TMEM223: variants seen among roughly 807,000 people sequenced by gnomAD.
The protein encoded by TMEM223 is transmembrane protein 223.
In TMEM223, 14 loss-of-function variants were observed where a neutral mutation model predicts 14.1. That is an observed-to-expected ratio of 0.99 (90% confidence interval 0.66 to 1.55). TMEM223 has a LOEUF of 1.55. TMEM223 is among the 40% of genes most tolerant of loss of function. The probability of loss-of-function intolerance (pLI) is 0.00; values close to 1 mark genes in which losing one functional copy is unlikely to be tolerated. For missense variants in TMEM223, 346 were observed against 269.9 expected (o/e 1.28, Z -1.97); for synonymous variants, 145 against 120.5 (o/e 1.20, Z -1.33).
chr11:62,778,849 T>C, intron 1 of TMEM223: 1 of 1,611,356 alleles, frequency 6.2e-7, no homozygotes, highest in Non-Finnish European at 8.5e-7. Context: ...TGTCCCTGCT[T>C]CCTGCCTGTC....
chr11:62,775,749 A>G (rs1225474369), intron 1 of TMEM223: 8 of 1,582,944 alleles, frequency 5.1e-6, no homozygotes, highest in Non-Finnish European at 4.3e-6. Context: ...CAGCTTTTCC[A>G]GTCTTCATTC....
chr11:62,786,027 A>G (rs2084271572), downstream of TMEM223: 3 of 458,954 alleles, frequency 6.5e-6, no homozygotes, highest in South Asian at 6.2e-5. Context: ...GGGCAGTGAT[A>G]TTGGGTATAT....
chr11:62,784,974 ATTTAC>A (rs978734593), downstream of TMEM223, among the ~76,000 whole-genome samples: 13 of 151,726 alleles, frequency 8.6e-5, no homozygotes, highest in African/African-American at 3.1e-4. Context: ...TCTTTTTTAT[ATTTAC>A]TTTAATAAGA....
intron 1 of TMEM223, chr11:62,778,511 G>T: frequency 1.4e-6 from 1 of 713,014 alleles, no homozygotes. Flanking sequence ...GGAGATGGGG[G>T]CCCAGACCTG....
At chr11:62,776,301 C>G in intron 1 of TMEM223, 1 of 1,411,302 alleles carries the variant, frequency 7.1e-7, no homozygotes, top group Non-Finnish European at 1.0e-6. Flanking sequence ...TGCCTTCTCT[C>G]CAGTCTGGCC....
At chr11:62,787,428 C>A (rs774342449), downstream of TMEM223, 4 of 1,560,818 alleles carry the variant, frequency 2.6e-6, no homozygotes, top group Non-Finnish European at 3.4e-6. Flanking sequence ...GTGGTCAGGG[C>A]GCCATGGCGC....
Position 62,790,110 on chromosome 11 carries a change from C to CT in TMEM223, c.*512dup. On this transcript the variant is annotated 3_prime_UTR_variant, in exon 2 of 2. Transcript: ENST00000307366. ...TGCCCAAGTGCCTGTAATCCCCCCC[C>CT]TCAAGGCCCTGTTTATGTTGGGAGT... is the stretch of plus-strand genomic sequence containing the variant. 1 of 1,485,654 alleles carries CT rather than the reference C, an allele frequency of 6.7e-7. No individual in the cohort carries two copies. The highest frequency in any genetic ancestry group is 9.0e-7 in the Non-Finnish European group (1 of 1,116,182). 92.0% of individuals were successfully genotyped at this position (1,485,654 alleles called of 1,614,324 possible).
chr11:62,787,425 GGGCGCCAT>G, downstream of TMEM223: 1 of 1,560,492 alleles, frequency 6.4e-7, no homozygotes, highest in Non-Finnish European at 8.6e-7. Context: ...CTGGTGGTCA[GGGCGCCAT>G]GGCGCTGTCC....
At chr11:62,779,182 G>A (rs1240846265) in intron 1 of TMEM223, among the ~76,000 whole-genome samples, 1 of 151,694 alleles carries the variant, frequency 6.6e-6, no homozygotes, top group African/African-American at 2.4e-5. Context: ...CAGCATGCCC[G>A]GCTAATTTTG....
At chr11:62,782,933 T>C (rs2084241292), downstream of TMEM223, 7 of 1,490,240 alleles carry the variant, frequency 4.7e-6, no homozygotes, top group South Asian at 5.1e-5. Context: ...GCCACTGCCA[T>C]GTATTGAGTT....
At chr11:62,787,535 TGCGGG>T (rs1225981188), downstream of TMEM223, 1 of 1,556,142 alleles carries the variant, frequency 6.4e-7, no homozygotes, top group Non-Finnish European at 8.6e-7. Context: ...CAGGTGCGGC[TGCGGG>T]GCGGGGTCAG....
intron 1 of TMEM223, 139 bp downstream of exon 1, chr11:62,791,540 G>A: frequency 2.6e-6 from 3 of 1,136,128 alleles, no homozygotes; most frequent in Non-Finnish European, 3.6e-6. Context: ...GCCGCGCCCG[G>A]CCAGTGTTTC....
intron 1 of TMEM223, among the ~76,000 whole-genome samples, chr11:62,775,181 T>G (rs940531317): frequency 1.3e-5 from 2 of 152,026 alleles, no homozygotes; most frequent in Admixed American, 6.6e-5. Flanking sequence ...AGCAAACATG[T>G]CTTTCTTCAT....
At chr11:62,791,247 A>G (rs2084357438) in intron 1 of TMEM223, among the ~76,000 whole-genome samples, 1 of 151,858 alleles carries the variant, frequency 6.6e-6, no homozygotes, top group South Asian at 2.1e-4. Context: ...GCGCTCGGAG[A>G]CATCACTGTT....
chr11:62,778,383 T>C (rs373949758), intron 1 of TMEM223: 3 of 1,602,222 alleles, frequency 1.9e-6, no homozygotes, highest in Non-Finnish European at 1.7e-6. Context: ...TTTTCTCCCT[T>C]AGGTTCTGAG....
Position 62,790,563 on chromosome 11 carries a change from C to T in TMEM223, c.*60G>A. ...AACAGGTGTGAACCAACACACCTGG[C>T]TCCCCAAGGTTCAGTTTTTATCCTC... is the stretch of plus-strand genomic sequence containing the variant. On this transcript the variant is annotated 3_prime_UTR_variant, in exon 2 of 2. Coordinates refer to ENST00000307366, the MANE Select transcript of TMEM223 (RefSeq NM_001080501.3). The T allele has an allele frequency of 1.4e-6, 2 of 1,478,442 alleles. No homozygotes were observed. The highest frequency in any genetic ancestry group is 1.8e-6 in the Non-Finnish European group (2 of 1,091,986). The allele number at this position is 1,478,442 out of a possible 1,614,324, so 91.6% of individuals were successfully genotyped here. A position where few individuals can be genotyped will look rare whatever the true frequency, so the allele number is the denominator to read the frequency against.
downstream of TMEM223, chr11:62,786,325 T>A: frequency 6.2e-7 from 1 of 1,614,186 alleles, no homozygotes. Flanking sequence ...CTGTGCTGGA[T>A]GATTATTCAG....
At chr11:62,773,354 T>C (rs2084163524) in intron 2 of TMEM223, among the ~76,000 whole-genome samples, 1 of 151,030 alleles carries the variant, frequency 6.6e-6, no homozygotes, top group Admixed American at 6.6e-5. Context: ...CACCATATTG[T>C]CCAGGCTGGT....
At chr11:62,789,875 G>A, downstream of TMEM223, 1 of 1,611,622 alleles carries the variant, frequency 6.2e-7, no homozygotes, top group Non-Finnish European at 8.5e-7. Context: ...TCCTGTCCCT[G>A]TCTCCTACAG....
Sources: gnomAD v4.1 joint callset for allele counts (sites outside exome capture counted in the v4.1 genomes callset) on GRCh38, gnomAD v4.1.1 for gene constraint, MANE v1.5 for transcripts, NCBI Gene and HGNC (gene_info 2026-07-23, HGNC 2026-07-21) for gene names.